Variants in SNX25 observed in about 807,000 individuals in gnomAD.
SNX25 encodes sorting nexin 25, also known as sorting nexin-25.
Under a neutral mutation model 113.7 loss-of-function variants are expected in SNX25, and 62 were observed. That is an observed-to-expected ratio of 0.55 (90% confidence interval 0.44 to 0.67). The LOEUF (loss-of-function observed/expected upper bound fraction) is 0.67. Among genes scored for constraint, SNX25 ranks in the 30% least tolerant of loss-of-function variants. The pLI, the probability that SNX25 is intolerant of heterozygous loss-of-function variation, is 0.00. For synonymous variants in SNX25, 421 were observed against 436.2 expected, an observed-to-expected ratio of 0.97 and a Z score of 0.43; for missense variants, 1,014 against 1,161.0, an observed-to-expected ratio of 0.87 and a Z score of 1.84.
intron 5 of SNX25, among the ~76,000 whole-genome samples, chr4:185,278,917 G>GT: frequency 6.6e-6 from 1 of 152,164 alleles, no homozygotes; most frequent in East Asian, 1.9e-4. Context: ...AATGTTTGGC[G>GT]TTTTTGAGGT....
chr4:185,208,161 TGC>T (rs1453929686), upstream of SNX25, among the ~76,000 whole-genome samples: 1 of 151,974 alleles, frequency 6.6e-6, no homozygotes, highest in East Asian at 2.0e-4. Flanking sequence ...CAAGCTGGAG[TGC>T]AATGGCGCGA....
intron 1 of SNX25, among the ~76,000 whole-genome samples, chr4:185,217,706 C>T (rs1739095265): frequency 6.6e-6 from 1 of 152,074 alleles, no homozygotes; most frequent in African/African-American, 2.4e-5. Flanking sequence ...AGGAAGTGCC[C>T]TAGATTCCTT....
rs749458238 is a variant in SNX25, at chr4:185,267,184, A to G, written c.1091+29A>G. On this transcript the variant is annotated intron_variant, in intron 5 of 18. Coordinates refer to ENST00000652585, the MANE Select transcript of SNX25 (RefSeq NM_001378034.2). ...TTTGGTCTTCAATTATAGCACAGCA[A>G]CAGCTACTGATTATCATCCCCTGCC... 4 of 1,595,746 alleles carry G rather than the reference A, an allele frequency of 2.5e-6. No homozygotes were observed. In the African/African-American group the frequency reaches 4.1e-5, roughly 16 times the overall value.
chr4:185,363,264 C>T lies in SNX25; in HGVS notation c.2935-121C>T. The T allele has an allele frequency of 2.5e-6, 2 of 807,984 alleles. No homozygotes were observed. The highest frequency in any genetic ancestry group is 4.0e-6 in the Non-Finnish European group (2 of 501,754). The allele number at this position is 807,984 out of a possible 1,614,324, so 50.1% of individuals were successfully genotyped here. On this transcript the variant is annotated intron_variant, in intron 18 of 18. Coordinates refer to ENST00000652585, the MANE Select transcript of SNX25 (RefSeq NM_001378034.2). The surrounding 1 kb of genome is among the most constrained non-coding windows in gnomAD (Gnocchi z 4.2). ...AATATTAAATACTGTTTGAGAGTTA[C>T]TTGTTTACTGAGATAATTTCAGACC...
chr4:185,296,311 A>G (rs1752831582), intron 6 of SNX25, among the ~76,000 whole-genome samples: 1 of 152,188 alleles, frequency 6.6e-6, no homozygotes, highest in Admixed American at 6.6e-5. Context: ...TCAGGATGAC[A>G]TAAGACAACC....
chr4:185,312,799 A>G (rs1017511763), intron 7 of SNX25, among the ~76,000 whole-genome samples: 1 of 152,168 alleles, frequency 6.6e-6, no homozygotes, highest in Non-Finnish European at 1.5e-5. Flanking sequence ...TGTTGGGATT[A>G]CAGGCGTGAG....
intron 1 of SNX25, among the ~76,000 whole-genome samples, chr4:185,240,617 C>T (rs1249095689): frequency 1.3e-5 from 2 of 150,706 alleles, no homozygotes; most frequent in Non-Finnish European, 3.0e-5. Context: ...GCGCCCCTCA[C>T]CTCCCGGACG....
intron 3 of SNX25, among the ~76,000 whole-genome samples, chr4:185,263,861 T>C (rs777749015): frequency 5.9e-5 from 9 of 152,188 alleles, no homozygotes; most frequent in Non-Finnish European, 1.2e-4. Context: ...TCCAAATTAA[T>C]GTTCCTGGGA....
chr4:185,336,340 G>C (rs1057395513), intron 10 of SNX25, among the ~76,000 whole-genome samples: 1 of 152,106 alleles, frequency 6.6e-6, no homozygotes, highest in Non-Finnish European at 1.5e-5. Context: ...CCTTTCCCAA[G>C]TCCCCAAAGT....
At chr4:185,301,918 G>C (rs1753740672) in intron 6 of SNX25, among the ~76,000 whole-genome samples, 1 of 146,782 alleles carries the variant, frequency 6.8e-6, no homozygotes, top group Non-Finnish European at 1.5e-5. Flanking sequence ...CTTTTTTTTT[G>C]AGATGGAGTC....
At chr4:185,351,830 G>A (rs1391863360) in intron 14 of SNX25, among the ~76,000 whole-genome samples, 1 of 151,976 alleles carries the variant, frequency 6.6e-6, no homozygotes, top group Non-Finnish European at 1.5e-5. Context: ...ATGCGAGTAG[G>A]AAGTTCTGCA....
At chr4:185,257,593 T>G (rs12643943) in intron 2 of SNX25, among the ~76,000 whole-genome samples, 51,548 of 152,110 alleles carry the variant, frequency 0.34, 10,585 homozygotes, top group East Asian at 0.56. Flanking sequence ...ATAATTTTGT[T>G]AAATGGATAT....
At chr4:185,269,341 G>T (rs898898171) in intron 5 of SNX25, among the ~76,000 whole-genome samples, 2 of 152,086 alleles carry the variant, frequency 1.3e-5, no homozygotes, top group African/African-American at 2.4e-5. Flanking sequence ...TGGTGTTTTC[G>T]TGCCTGCTGT....
At chr4:185,263,198 T>A (rs1036305600) in intron 3 of SNX25, among the ~76,000 whole-genome samples, 1 of 152,198 alleles carries the variant, frequency 6.6e-6, no homozygotes, top group Admixed American at 6.5e-5. Context: ...AGAGAGATTT[T>A]GATATTGTTT....
At chr4:185,236,879 A>G (rs1321834488) in intron 1 of SNX25, among the ~76,000 whole-genome samples, 1 of 152,226 alleles carries the variant, frequency 6.6e-6, no homozygotes. Context: ...GCCCAAGGTT[A>G]CATAGTAAGT....
intron 1 of SNX25, among the ~76,000 whole-genome samples, chr4:185,245,079 C>T (rs59269441): frequency 0.027 from 4,112 of 152,114 alleles, 72 homozygotes; most frequent in South Asian, 0.068. Flanking sequence ...GTAACATTAG[C>T]CTTTTAGCTC....
chr4:185,272,418 A>C (rs1378986017), intron 5 of SNX25, among the ~76,000 whole-genome samples: 1 of 152,194 alleles, frequency 6.6e-6, no homozygotes. Context: ...ACCTCTTATA[A>C]ATGCGCGGAC....
At chr4:185,320,394 C>T (rs1469406968) in intron 7 of SNX25, among the ~76,000 whole-genome samples, 1 of 152,102 alleles carries the variant, frequency 6.6e-6, no homozygotes, top group Non-Finnish European at 1.5e-5. Context: ...CCAAACACCA[C>T]ATGTTCTCAC....
Position 185,337,236 on chromosome 4 carries a change from C to T in SNX25, c.1915-2143C>T, listed in dbSNP as rs186170992. ...GAAAAACTGAAACTATTAAACAATA[C>T]CTCCCCATTTTCCCCTCCCTCATGC... On this transcript the variant is annotated intron_variant, in intron 10 of 18. Transcript: ENST00000652585. Among the ~76,000 whole-genome samples the T allele has an allele frequency of 9.9e-4, 151 of 152,220 alleles. 1 individual carries two copies. Among genetic ancestry groups the T allele is most frequent in the African/African-American group, 3.5e-3 (145 of 41,526 alleles).
Sources: allele counts gnomAD v4.1 joint callset (sites outside exome capture counted in the v4.1 genomes callset), GRCh38; gene constraint gnomAD v4.1.1; non-coding constraint Gnocchi (gnomAD v3.1); transcripts MANE v1.5; gene names NCBI Gene and HGNC (gene_info 2026-07-23, HGNC 2026-07-21).